Variants in PSG2 observed in about 807,000 individuals in gnomAD.
PSG2 encodes the protein pregnancy specific beta-1-glycoprotein 2.
Under a neutral mutation model 36.2 loss-of-function variants are expected in PSG2, and 49 were observed. The ratio of observed to expected loss-of-function variants is 1.35; its 90% CI spans 1.08 to 1.72. The LOEUF (loss-of-function observed/expected upper bound fraction) is 1.72, where lower values mean the gene tolerates loss of function less well. Among genes scored for constraint, PSG2 ranks in the 40% most tolerant of loss-of-function variants. The pLI, the probability that PSG2 is intolerant of heterozygous loss-of-function variation, is 0.00. For missense variants in PSG2, 605 were observed against 407.2 expected (o/e 1.49, Z -4.18); for synonymous variants, 261 against 155.6 (o/e 1.68, Z -5.04).
rs185352364 is a variant in PSG2 at position 43,076,142 on chromosome 19, A to C, written c.431-510T>G. On this transcript the variant is annotated intron_variant, in intron 2 of 5. Transcript: ENST00000406487. Reference sequence around the variant, plus strand: ...AGCCTGGCCTGGGACTGGGTACTTCAGCATAAATAACACAGGGGAGACCAG... The same window carrying C: ...AGCCTGGCCTGGGACTGGGTACTTCCGCATAAATAACACAGGGGAGACCAG... Among the ~76,000 whole-genome samples the C allele has an allele frequency of 1.8e-3, 280 of 151,838 alleles. 4 individuals carry two copies. The highest frequency in any genetic ancestry group is 3.3e-3 in the Non-Finnish European group (221 of 67,946).
intron 2 of PSG2, among the ~76,000 whole-genome samples, chr19:43,079,977 A>G (rs1371143831): frequency 6.6e-6 from 1 of 151,720 alleles, no homozygotes; most frequent in Non-Finnish European, 1.5e-5. Context: ...TCAATCAAAT[A>G]AGCTAAATGG....
At chr19:43,073,947 A>C (rs541285040) in intron 3 of PSG2, among the ~76,000 whole-genome samples, 3 of 151,752 alleles carry the variant, frequency 2.0e-5, no homozygotes, top group Admixed American at 6.6e-5. Context: ...TCAGATTAGT[A>C]GGCAAAAGTG....
chr19:43,080,853 C>T lies in PSG2; in HGVS notation c.430+28G>A, dbSNP rs766661759. 4.8e-5 allele frequency: 78 copies of T among 1,611,700 alleles called. 1 individual carries two copies. Among genetic ancestry groups the T allele is most frequent in the Non-Finnish European group, 2.4e-5 (28 of 1,178,926 alleles). Reference sequence around the variant, plus strand: ...AGTAGAAATGACCCCTGTCCCCCAACACCCAGGGATCATGTGGAATCACTT... The same window carrying T: ...AGTAGAAATGACCCCTGTCCCCCAATACCCAGGGATCATGTGGAATCACTT... On this transcript the variant is annotated intron_variant, in intron 2 of 5. Coordinates refer to ENST00000406487, the MANE Select transcript of PSG2 (RefSeq NM_031246.4).
At chr19:43,068,023 G>T (rs927910413) in intron 4 of PSG2, among the ~76,000 whole-genome samples, 6 of 151,438 alleles carry the variant, frequency 4.0e-5, no homozygotes, top group African/African-American at 9.8e-5. Flanking sequence ...AACGGAAACA[G>T]AATAGAGGAA....
At chr19:43,072,188 A>G (rs7247881) in intron 3 of PSG2, among the ~76,000 whole-genome samples, 26,636 of 151,394 alleles carry the variant, frequency 0.18, 4,241 homozygotes, top group African/African-American at 0.4. Context: ...ATTCTTGGTT[A>G]AGGCTGTGCC....
chr19:43,081,379 A>G, intron 1 of PSG2, 133 bp from the exon 2 acceptor site: 1 of 1,329,688 alleles, frequency 7.5e-7, no homozygotes, highest in Admixed American at 2.3e-5. Context: ...ACACACACAC[A>G]CACACACACA....
chr19:43,075,701 C>T, intron 2 of PSG2, 69 bp from the exon 3 acceptor site: 1 of 1,553,618 alleles, frequency 6.4e-7, no homozygotes, highest in Non-Finnish European at 8.7e-7. Flanking sequence ...ATTTTTCAAT[C>T]AGAGTTGGCA....
rs753536629 is a variant in PSG2 at position 43,075,419 on chromosome 19, T to C, written c.644A>G (p.Tyr215Cys). 8 of 1,613,204 alleles carry C rather than the reference T, an allele frequency of 5.0e-6. No individual in the cohort carries two copies. The South Asian group carries it at 8.8e-5, about 18-fold the overall frequency. The change falls in exon 3 of 6, where the codon TAT (tyrosine) becomes TGT (cysteine). Residue 215 changes from tyrosine (Y) to cysteine (C), a missense_variant. Transcript: ENST00000406487. Reference sequence around the variant, plus strand: ...CCCTGAGTTCCGTATTTCACATTCATAGGGTCCTGCAGTATACTTTGTGAC... The same window carrying C: ...CCCTGAGTTCCGTATTTCACATTCACAGGGTCCTGCAGTATACTTTGTGAC... ...FGVTKYTAGP[Y>C]ECEIRNSGSA... is the part of the protein sequence containing the mutation.
intron 3 of PSG2, among the ~76,000 whole-genome samples, chr19:43,074,332 A>G (rs943814055): frequency 2.0e-5 from 3 of 151,736 alleles, no homozygotes; most frequent in African/African-American, 7.3e-5. Flanking sequence ...CATGAAAATG[A>G]AATGTCTTTC....
chr19:43,075,561 T>A lies in PSG2; in HGVS notation c.502A>T (p.Thr168Ser). 6.2e-7 allele frequency: 1 copy of A among 1,613,170 alleles called. No individual in the cohort carries two copies. The highest frequency in any genetic ancestry group is 1.7e-5 in the Admixed American group (1 of 59,954). The change falls in exon 3 of 6, where the codon ACC (threonine) becomes TCC (serine). Residue 168 changes from threonine to serine, a missense_variant. By Grantham distance (58) the Thr-to-Ser change is moderately conservative. Transcript: ENST00000406487. ...GTGTCCGGAGTCTCAGGATCACAGG[T>A]TAAGATCACAGTTTCCATGGCCTCC... ...PREAMETVIL[T>S]CDPETPDTSY...
chr19:43,066,665 G>T (rs929821387), intron 4 of PSG2, 65 bp from the exon 5 acceptor site: 4 of 1,476,714 alleles, frequency 2.7e-6, no homozygotes, highest in African/African-American at 2.8e-5. Context: ...GGAGCATCAG[G>T]AACAAGCATG....
intron 3 of PSG2, among the ~76,000 whole-genome samples, chr19:43,074,552 A>G (rs1342092592): frequency 1.3e-5 from 2 of 151,720 alleles, no homozygotes; most frequent in Non-Finnish European, 2.9e-5. Context: ...GGGGACAGGC[A>G]AAAGCTGGTG....
intron 2 of PSG2, among the ~76,000 whole-genome samples, chr19:43,077,278 A>C (rs1182871833): frequency 1.3e-5 from 2 of 151,706 alleles, no homozygotes; most frequent in Non-Finnish European, 1.5e-5. Flanking sequence ...TTAAGTAGAG[A>C]GAGTCCCGTT....
Position 43,080,204 on chromosome 19 carries a change from C to T in PSG2, c.430+677G>A, listed in dbSNP as rs183216269. On this transcript the variant is annotated intron_variant, in intron 2 of 5. Coordinates refer to ENST00000406487, the MANE Select transcript of PSG2 (RefSeq NM_031246.4). ...TCTGCTTCTGGGGACATTAGACTTC[C>T]TATGGACTCTCCTAAGCCTCCTAAG... 2.0e-3 allele frequency among the ~76,000 whole-genome samples: 297 copies of T among 151,856 alleles called. 18 individuals are homozygous for T. The highest frequency in any genetic ancestry group is 7.0e-3 in the African/African-American group (288 of 41,232).
chr19:43,077,664 G>C (rs1568515499), intron 2 of PSG2, among the ~76,000 whole-genome samples: 1 of 151,666 alleles, frequency 6.6e-6, no homozygotes, highest in African/African-American at 2.4e-5. Flanking sequence ...ACCTCCAACT[G>C]GTCCTCAAAA....
In PSG2 at chr19:43,071,562, G is replaced by A. The variant is rs1198403004; in HGVS notation, c.964+138C>T. On this transcript the variant is annotated intron_variant, in intron 4 of 5. Transcript: ENST00000406487. ...AGAGTTTGTAGAGACAAATTGGGAGGGTTCAGGAGGAGAATTTGGGATTTG... is the reference window on the plus strand; with the variant it reads ...AGAGTTTGTAGAGACAAATTGGGAGAGTTCAGGAGGAGAATTTGGGATTTG... The A allele has an allele frequency of 3.8e-6, 6 of 1,598,942 alleles. 1 individual carries two copies. The highest frequency in any genetic ancestry group is 5.1e-6 in the Non-Finnish European group (6 of 1,169,490).
In PSG2 at chr19:43,075,850, G is replaced by A. The variant is rs746241422; in HGVS notation, c.431-218C>T. On this transcript the variant is annotated intron_variant, in intron 2 of 5. Coordinates refer to ENST00000406487, the MANE Select transcript of PSG2 (RefSeq NM_031246.4). ...GTGGGAGAAGCACAGACTTTCTCAG[G>A]TGTGTATTGAGCAGCAGCATTGGGT... 5.9e-5 allele frequency among the ~76,000 whole-genome samples: 9 copies of A among 151,574 alleles called. 1 individual carries two copies. Among genetic ancestry groups the A allele is most frequent in the Non-Finnish European group, 1.0e-4 (7 of 67,960 alleles).
intron 3 of PSG2, 34 bp downstream of exon 3, chr19:43,075,320 C>A (rs561745173): frequency 3.1e-6 from 5 of 1,613,088 alleles, no homozygotes; most frequent in African/African-American, 2.7e-5. Flanking sequence ...TTTGGGATGG[C>A]AGTCTGGCCC....
intron 3 of PSG2, among the ~76,000 whole-genome samples, chr19:43,074,509 T>A (rs3928557): frequency 0.1 from 15,248 of 151,652 alleles, 1,036 homozygotes; most frequent in Admixed American, 0.15. Context: ...TCATTGTTAG[T>A]GTATAGTCTA....
Sources: allele counts gnomAD v4.1 joint callset (sites outside exome capture counted in the v4.1 genomes callset), GRCh38; gene constraint gnomAD v4.1.1; transcripts MANE v1.5; gene names NCBI Gene and HGNC (gene_info 2026-07-23, HGNC 2026-07-21).